METTL16: variants seen among roughly 807,000 people sequenced by gnomAD.
The protein encoded by METTL16 is RNA N(6)-adenosine-methyltransferase METTL16.
Under a neutral mutation model 57.9 loss-of-function variants are expected in METTL16, and 19 were observed. The observed-to-expected ratio is 0.33, with a 90% CI of 0.23 to 0.48. The LOEUF (loss-of-function observed/expected upper bound fraction) is 0.48. Among genes scored for constraint, METTL16 ranks in the 20% least tolerant of loss-of-function variants. The pLI is 0.99. For missense variants in METTL16, 434 were observed against 691.5 expected (o/e 0.63, Z 4.18); for synonymous variants, 246 against 255.6 (o/e 0.96, Z 0.36).
chr17:2,475,042 C>G (rs924506735), intron 3 of METTL16, among the ~76,000 whole-genome samples: 1 of 152,176 alleles, frequency 6.6e-6, no homozygotes, highest in African/African-American at 2.4e-5. Flanking sequence ...TAGGCCTGCT[C>G]TCATCTGACC....
intron 8 of METTL16, among the ~76,000 whole-genome samples, chr17:2,430,977 C>T (rs2066869805): frequency 6.6e-6 from 1 of 151,812 alleles, no homozygotes; most frequent in Non-Finnish European, 1.5e-5. Flanking sequence ...CAGAGTCTCG[C>T]TCTTGTTGCC....
intron 6 of METTL16, among the ~76,000 whole-genome samples, chr17:2,455,745 C>G (rs2067105506): frequency 6.6e-6 from 1 of 152,096 alleles, no homozygotes; most frequent in African/African-American, 2.4e-5. Flanking sequence ...TCTAGGAAGC[C>G]AAGGTGGGGT....
chr17:2,467,036 C>G (rs543072256), intron 5 of METTL16, among the ~76,000 whole-genome samples: 1 of 151,928 alleles, frequency 6.6e-6, no homozygotes, highest in South Asian at 2.1e-4. Flanking sequence ...GAACTCCGAG[C>G]TCAAGCTATC....
intron 1 of METTL16, among the ~76,000 whole-genome samples, chr17:2,505,033 C>A (rs1597475615): frequency 6.6e-6 from 1 of 152,102 alleles, no homozygotes; most frequent in South Asian, 2.1e-4. Flanking sequence ...ATTTTGTCTT[C>A]TTCCAGATTA....
At chr17:2,490,653 A>G (rs1545272) in intron 2 of METTL16, among the ~76,000 whole-genome samples, 121,556 of 151,794 alleles carry the variant, frequency 0.8, 48,822 homozygotes, top group Non-Finnish European at 0.82. Context: ...ACCAGAAAAC[A>G]GGTCCTTGGT....
chr17:2,445,989 G>A (rs1481041751), intron 6 of METTL16, among the ~76,000 whole-genome samples: 2 of 151,970 alleles, frequency 1.3e-5, no homozygotes, highest in African/African-American at 4.8e-5. Flanking sequence ...TGTATTAATG[G>A]ACTAAAAAGG....
Position 2,482,565 on chromosome 17 carries a change from T to A in METTL16, c.129-4680A>T, listed in dbSNP as rs1373704510. 2.0e-5 allele frequency among the ~76,000 whole-genome samples: 3 copies of A among 152,176 alleles called. No individual in the cohort carries two copies. In the South Asian group the frequency reaches 6.2e-4, roughly 32 times the overall value. On this transcript the variant is annotated intron_variant, in intron 2 of 9. Transcript: ENST00000263092. ...CTTTTATACACAGGGTCAAAAGACT[T>A]CATTTAAGGCTGATAAACTAAGTAG...
chr17:2,506,259 CCTCCCT>C (rs1276303156), intron 1 of METTL16, among the ~76,000 whole-genome samples: 8 of 136,280 alleles, frequency 5.9e-5, no homozygotes, highest in East Asian at 2.3e-4. Context: ...TCCCCCTCCC[CCTCCCT>C]CTCCCTCTCC....
intron 2 of METTL16, among the ~76,000 whole-genome samples, chr17:2,480,239 G>A (rs965079894): frequency 1.3e-5 from 2 of 149,218 alleles, no homozygotes; most frequent in African/African-American, 4.9e-5. Flanking sequence ...CACAGGAAAA[G>A]ACCTTGCAAA....
At chr17:2,453,040 C>T (rs1183133145) in intron 6 of METTL16, among the ~76,000 whole-genome samples, 1 of 151,794 alleles carries the variant, frequency 6.6e-6, no homozygotes, top group East Asian at 1.9e-4. Context: ...TTGTATTTTC[C>T]CTAGAGACAG....
chr17:2,467,715 CG>C (rs748152407), intron 5 of METTL16, 45 bp downstream of exon 5: 1 of 1,485,022 alleles, frequency 6.7e-7, no homozygotes, highest in Non-Finnish European at 9.4e-7. Context: ...CGTGAGCCAC[CG>C]CGCCCAGCCT....
At chr17:2,510,771 T>C (rs1313863825) in intron 1 of METTL16, among the ~76,000 whole-genome samples, 2 of 151,940 alleles carry the variant, frequency 1.3e-5, no homozygotes, top group African/African-American at 4.8e-5. Flanking sequence ...CAAGCAATCC[T>C]CCCGCCTGAG....
At chr17:2,495,737 GGTGAGT>G (rs2067440500) in intron 2 of METTL16, among the ~76,000 whole-genome samples, 1 of 150,748 alleles carries the variant, frequency 6.6e-6, no homozygotes, top group Admixed American at 6.6e-5. Context: ...AACCCTCATA[GGTGAGT>G]CTGACGGGCT....
chr17:2,423,261 G>GGTGTGTGTGTGTGTGTGTGT (rs58486923), intron 8 of METTL16, among the ~76,000 whole-genome samples: 22 of 143,706 alleles, frequency 1.5e-4, no homozygotes, highest in East Asian at 4.2e-4. Flanking sequence ...AAAAACAAAG[G>GGTGTGTGTGTGTGTGTGTGT]GTGTGTGTGT....
At chr17:2,434,892 A>G (rs1352609732) in intron 8 of METTL16, among the ~76,000 whole-genome samples, 1 of 152,228 alleles carries the variant, frequency 6.6e-6, no homozygotes, top group Non-Finnish European at 1.5e-5. Flanking sequence ...TGCTCACACC[A>G]AGAGTGAACA....
At chr17:2,484,180 T>C (rs2067325665) in intron 2 of METTL16, among the ~76,000 whole-genome samples, 1 of 152,180 alleles carries the variant, frequency 6.6e-6, no homozygotes. Flanking sequence ...ACAAAAGTAT[T>C]GCTATTTTGC....
In METTL16 at chr17:2,420,550, A is replaced by G; in HGVS notation, c.1109T>C (p.Phe370Ser). The G allele has an allele frequency of 6.2e-7, 1 of 1,613,264 alleles. No individual in the cohort carries two copies. The highest frequency in any genetic ancestry group is 1.1e-5 in the South Asian group (1 of 91,066). ...VPCGKEEVSL[F>S]LTAIENSWIH... ...CCAGGAGTTTTCTATGGCCGTTAGG[A>G]AAAGGCTGACTTCCTCTTTTCCACA... is the stretch of plus-strand genomic sequence containing the variant. Residue 370 changes from phenylalanine (F) to serine (S), a missense_variant, in exon 10 of 10, where the codon TTC becomes TCC. Physicochemically the swap from Phe to Ser is radical, Grantham distance 155 (BLOSUM62 -2). This residue lies in a region of METTL16 where 26 missense variants were observed against 63.0 expected (regional missense o/e 0.41). Coordinates refer to ENST00000263092, the MANE Select transcript of METTL16 (RefSeq NM_024086.4). The surrounding 1 kb of genome is among the most constrained non-coding windows in gnomAD (Gnocchi z 5.4).
At chr17:2,428,564 A>AATATATATATAT (rs71362532) in intron 8 of METTL16, among the ~76,000 whole-genome samples, 12 of 31,340 alleles carry the variant, frequency 3.8e-4, no homozygotes, top group Non-Finnish European at 4.5e-4. Flanking sequence ...AAAAAAAAAA[A>AATATATATATAT]ATATATATAT....
chr17:2,416,639 C>T lies in METTL16; in HGVS notation c.*3331G>A, dbSNP rs1345025915. 5 of 152,140 alleles carry T rather than the reference C, an allele frequency of 3.3e-5. No homozygotes were observed. The highest frequency in any genetic ancestry group is 7.3e-5 in the Non-Finnish European group (5 of 68,048). 9.4% of individuals were successfully genotyped at this position (152,140 alleles called of 1,614,324 possible). On this transcript the variant is annotated 3_prime_UTR_variant, in exon 10 of 10. Coordinates refer to ENST00000263092, the MANE Select transcript of METTL16 (RefSeq NM_024086.4). ...AAGAACAAAAGCAGCTTTAGTTTGC[C>T]TGGGCAACAGGCTCAACTTCTGTCT...
Sources: gnomAD v4.1 joint callset for allele counts (sites outside exome capture counted in the v4.1 genomes callset) on GRCh38, gnomAD v4.1.1 for gene constraint, gnomAD v4.1.1 regional missense constraint, Gnocchi (gnomAD v3.1) non-coding constraint, MANE v1.5 for transcripts, NCBI Gene and HGNC (gene_info 2026-07-23, HGNC 2026-07-21) for gene names.